The following SCHIP1 variants were observed in gnomAD, a reference collection of about 807,000 sequenced individuals.
SCHIP1 encodes the protein schwannomin-interacting protein 1.
In SCHIP1, 8 loss-of-function variants were observed where a neutral mutation model predicts 29.7. That is an observed-to-expected ratio of 0.27 (90% CI 0.16 to 0.49). The LOEUF is 0.49. SCHIP1 is among the 20% of genes least tolerant of loss of function. The pLI, the probability that SCHIP1 is intolerant of heterozygous loss-of-function variation, is 0.99. For missense variants in SCHIP1, 193 were observed against 294.6 expected (o/e 0.66, Z 2.52); for synonymous variants, 76 against 94.9 (o/e 0.80, Z 1.16).
the SCHIP1 span, among the ~76,000 whole-genome samples, chr3:159,346,392 C>T: frequency 1.3e-5 from 2 of 151,314 alleles, no homozygotes; most frequent in Non-Finnish European, 2.9e-5. Context: ...CTATATTTTA[C>T]TGTTTCTCTT....
the SCHIP1 span, among the ~76,000 whole-genome samples, chr3:159,583,390 ACTC>A: frequency 4.1e-4 from 63 of 152,298 alleles, no homozygotes; most frequent in African/African-American, 1.5e-3. Flanking sequence ...AGAAAATTAT[ACTC>A]CTATGATTAT....
At chr3:159,713,252 GAAAGA>G in the SCHIP1 span, among the ~76,000 whole-genome samples, 2 of 143,342 alleles carry the variant, frequency 1.4e-5, no homozygotes, top group East Asian at 4.0e-4. Context: ...AAGAAAGAAA[GAAAGA>G]AAGAAAGAAA....
intron 5 of SCHIP1, 130 bp from the exon 7 acceptor site, chr3:159,891,967 G>T: frequency 9.6e-7 from 1 of 1,045,558 alleles, no homozygotes; most frequent in Non-Finnish European, 1.3e-6. Flanking sequence ...AACATACGAT[G>T]TCTAACCTTT....
chr3:159,760,711 C>T, the SCHIP1 span, among the ~76,000 whole-genome samples: 1 of 152,200 alleles, frequency 6.6e-6, no homozygotes, highest in Non-Finnish European at 1.5e-5. Context: ...ACACTAGAAG[C>T]CCTGACCCAT....
At chr3:159,889,309 G>A (rs1050820085) in intron 5 of SCHIP1, among the ~76,000 whole-genome samples, 34 of 152,226 alleles carry the variant, frequency 2.2e-4, no homozygotes, top group African/African-American at 7.9e-4. Context: ...ATTCATCGTA[G>A]GTATCATCAT....
At chr3:159,351,028 A>C in the SCHIP1 span, among the ~76,000 whole-genome samples, 56 of 152,340 alleles carry the variant, frequency 3.7e-4, no homozygotes, top group Admixed American at 8.5e-4. Flanking sequence ...ATATCTGCAC[A>C]GTATTTTGAA....
the SCHIP1 span, among the ~76,000 whole-genome samples, chr3:159,510,817 G>C: frequency 6.6e-6 from 1 of 152,268 alleles, no homozygotes; most frequent in East Asian, 1.9e-4. Flanking sequence ...CTGGCTGATC[G>C]TTCCTCTGGA....
At chr3:159,395,504 A>T in the SCHIP1 span, among the ~76,000 whole-genome samples, 1 of 150,932 alleles carries the variant, frequency 6.6e-6, no homozygotes, top group Admixed American at 6.6e-5. Flanking sequence ...TGTCCCAGAG[A>T]TTCTGGTATG....
the SCHIP1 span, among the ~76,000 whole-genome samples, chr3:159,512,437 C>T: frequency 2.8e-4 from 42 of 152,294 alleles, no homozygotes; most frequent in African/African-American, 9.6e-4. Context: ...AATTTGGTCA[C>T]TGCCTAAGTG....
chr3:159,573,978 C>G, the SCHIP1 span, among the ~76,000 whole-genome samples: 1 of 152,214 alleles, frequency 6.6e-6, no homozygotes, highest in Non-Finnish European at 1.5e-5. Flanking sequence ...TTAAGGTCTT[C>G]TCTACACTGT....
chr3:159,621,664 T>G, the SCHIP1 span, among the ~76,000 whole-genome samples: 1 of 148,252 alleles, frequency 6.7e-6, no homozygotes, highest in Non-Finnish European at 1.5e-5. Context: ...TTGTTGTTTT[T>G]GTTCTTTGTT....
Position 159,840,782 on chromosome 3 carries a change from G to A in SCHIP1, c.30+568G>A, listed in dbSNP as rs887639502. On this transcript the variant is annotated intron_variant, in intron 1 of 6. Transcript: ENST00000445224. ...AAATGGTTGGTAAATAAGCATTAAA[G>A]TATCAACATGCATCAAAAACTCCAA... Among the ~76,000 whole-genome samples the A allele has an allele frequency of 2.2e-4, 34 of 152,162 alleles. 1 individual carries two copies. Among genetic ancestry groups the A allele is most frequent in the African/African-American group, 8.2e-4 (34 of 41,436 alleles).
the SCHIP1 span, among the ~76,000 whole-genome samples, chr3:159,688,123 G>T: frequency 6.6e-6 from 1 of 152,160 alleles, no homozygotes; most frequent in Non-Finnish European, 1.5e-5. Flanking sequence ...CCCAGTAATG[G>T]GATTGCTGGG....
At chr3:159,633,857 A>T in the SCHIP1 span, among the ~76,000 whole-genome samples, 1 of 152,218 alleles carries the variant, frequency 6.6e-6, no homozygotes, top group Admixed American at 6.5e-5. Flanking sequence ...TATTTGGAAA[A>T]TATTAGTGAT....
At chr3:159,797,608 T>C in the SCHIP1 span, among the ~76,000 whole-genome samples, 2 of 151,764 alleles carry the variant, frequency 1.3e-5, no homozygotes, top group Non-Finnish European at 2.9e-5. Context: ...TGTCTTGCTC[T>C]GTTGCCCAGG....
the SCHIP1 span, among the ~76,000 whole-genome samples, chr3:159,646,384 T>A: frequency 1.3e-5 from 2 of 152,270 alleles, no homozygotes; most frequent in Admixed American, 1.3e-4. Flanking sequence ...CTTCTGGCTC[T>A]CTACATGCAG....
At chr3:159,540,286 A>G in the SCHIP1 span, among the ~76,000 whole-genome samples, 1 of 152,138 alleles carries the variant, frequency 6.6e-6, no homozygotes. Flanking sequence ...GTAGAAAGGT[A>G]CTTTCTTTCC....
At chr3:159,665,127 G>A in the SCHIP1 span, among the ~76,000 whole-genome samples, 3 of 152,160 alleles carry the variant, frequency 2.0e-5, no homozygotes, top group Non-Finnish European at 2.9e-5. Context: ...TCTAGCATTG[G>A]TATTTTCTGA....
At chr3:159,868,840 A>G (rs1169393908) in intron 2 of SCHIP1, among the ~76,000 whole-genome samples, 2 of 152,082 alleles carry the variant, frequency 1.3e-5, no homozygotes, top group African/African-American at 4.8e-5. Context: ...AGGAAAATAC[A>G]TGATTGTTTA....
Sources: gnomAD v4.1 joint callset for allele counts (sites outside exome capture counted in the v4.1 genomes callset) on GRCh38, gnomAD v4.1.1 for gene constraint, MANE v1.5 for transcripts, NCBI Gene and HGNC (gene_info 2026-07-23, HGNC 2026-07-21) for gene names.